HMCN2: variants seen among roughly 807,000 people sequenced by gnomAD.
HMCN2 encodes hemicentin 2.
A neutral mutation model predicts 377.5 loss-of-function variants in HMCN2; 325 were observed. That is an observed-to-expected ratio of 0.86 (90% CI 0.79 to 0.94). HMCN2 has a LOEUF of 0.94. Ranked by LOEUF, HMCN2 falls within the 40% of genes least tolerant of loss-of-function variation. The probability of loss-of-function intolerance (pLI) is 0.00; values close to 1 mark genes in which losing one functional copy is unlikely to be tolerated. For missense variants in HMCN2, 4,543 were observed against 4,725.3 expected (o/e 0.96, Z 1.13); for synonymous variants, 2,007 against 2,046.8 (o/e 0.98, Z 0.53).
chr9:130,275,839 T>G (rs1554922916), intron 1 of HMCN2, among the ~76,000 whole-genome samples: 8 of 139,622 alleles, frequency 5.7e-5, no homozygotes, highest in Non-Finnish European at 1.2e-4. Context: ...AACCTGGCCC[T>G]GGGCACGTCC....
rs1462492243 is a variant in HMCN2, at chr9:130,363,171, C to T, written c.6232+181C>T. On this transcript the variant is annotated intron_variant, in intron 40 of 97. Transcript: ENST00000683500. ...AGACCTGCCCTAGAGTATGAGCTCC[C>T]GCAATGGGTGGGAGGGTGGGCAGGT... Among the ~76,000 whole-genome samples, 7 of 135,262 alleles carry T rather than the reference C, an allele frequency of 5.2e-5. No homozygotes were observed. In the South Asian group the frequency reaches 7.9e-4, roughly 15 times the overall value. 88.7% of individuals were successfully genotyped at this position (135,262 alleles called of 152,430 possible). A position where few individuals can be genotyped will look rare whatever the true frequency, so the allele number is the denominator to read the frequency against.
At chr9:130,377,172 G>A (rs1471808044) in intron 52 of HMCN2, among the ~76,000 whole-genome samples, 2 of 151,626 alleles carry the variant, frequency 1.3e-5, no homozygotes, top group African/African-American at 4.9e-5. Flanking sequence ...GGAGTACAGT[G>A]GCACGATCTT....
intron 30 of HMCN2, 114 bp from the exon 31 acceptor site, chr9:130,352,813 C>A: frequency 1.1e-6 from 1 of 870,036 alleles, no homozygotes; most frequent in Non-Finnish European, 1.5e-6. Context: ...CCTGCCCCCG[C>A]AATGGAAGCC....
At chr9:130,340,667 C>T (rs1002983090) in intron 23 of HMCN2, among the ~76,000 whole-genome samples, 86 of 152,108 alleles carry the variant, frequency 5.7e-4, no homozygotes, top group African/African-American at 2.1e-3. Flanking sequence ...TACAGGTGCG[C>T]GCCACCACGC....
chr9:130,425,193 C>T, intron 89 of HMCN2, 63 bp downstream of exon 89: 1 of 1,471,720 alleles, frequency 6.8e-7, no homozygotes, highest in Non-Finnish European at 9.1e-7. Context: ...GTGCCCGGCT[C>T]TCAACCACCC....
chr9:130,404,934 C>A lies in HMCN2; in HGVS notation c.12214C>A (p.Pro4072Thr), dbSNP rs762260552. 5.4e-6 allele frequency: 7 copies of A among 1,288,558 alleles called. No individual in the cohort carries two copies. In the South Asian group the frequency reaches 6.2e-5, roughly 11 times the overall value. 79.8% of individuals were successfully genotyped at this position (1,288,558 alleles called of 1,614,324 possible). ...STTEGSHAFL[P>T]CKARGSPEPN... Reference sequence around the variant, plus strand: ...CACCGAAGGCTCCCACGCCTTCTTGCCTTGCAAGGCGAGGGGCAGTCCTGA... The same window carrying A: ...CACCGAAGGCTCCCACGCCTTCTTGACTTGCAAGGCGAGGGGCAGTCCTGA... The change falls in exon 81 of 98, where the codon CCT becomes ACT. Residue 4072 changes from proline to threonine, a missense_variant. Physicochemically the swap from Pro to Thr is conservative, Grantham distance 38. Coordinates refer to ENST00000683500, the MANE Select transcript of HMCN2 (RefSeq NM_001291815.2).
At chr9:130,344,160 C>T (rs1284526404) in intron 25 of HMCN2, among the ~76,000 whole-genome samples, 4 of 152,202 alleles carry the variant, frequency 2.6e-5, no homozygotes, top group Non-Finnish European at 4.4e-5. Context: ...TCACCCCTCC[C>T]GACCTGCAGC....
rs900085803 is a variant in HMCN2, at chr9:130,433,568, G to A, written c.15115G>A (p.Gly5039Ser). 3.5e-5 allele frequency: 51 copies of A among 1,478,206 alleles called. No individual in the cohort carries two copies. Among genetic ancestry groups the A allele is most frequent in the Non-Finnish European group, 4.4e-5 (49 of 1,119,338 alleles). 91.6% of individuals were successfully genotyped at this position (1,478,206 alleles called of 1,614,324 possible). ...FALRPLRAGL[G>S]AVYTRRALTR... ...GCTGCGTCCGCTGCGCGCGGGCCTT[G>A]GCGCGGTCTACACCCGTCGCGCGCT... Residue 5039 changes from glycine (G) to serine (S), a missense_variant, in exon 98 of 98, where the codon GGC (glycine) becomes AGC (serine). Coordinates refer to ENST00000683500, the MANE Select transcript of HMCN2 (RefSeq NM_001291815.2).
chr9:130,331,197 C>T (rs1390407152), intron 22 of HMCN2, among the ~76,000 whole-genome samples: 17 of 151,740 alleles, frequency 1.1e-4, no homozygotes, highest in Admixed American at 3.3e-4. Context: ...CCAGGGCGCT[C>T]GGCTCCCATC....
intron 43 of HMCN2, 54 bp downstream of exon 43, chr9:130,366,049 A>T (rs1315953695): frequency 1.0e-6 from 1 of 984,912 alleles, no homozygotes; most frequent in Admixed American, 6.1e-5. Flanking sequence ...CAAGGAGGCT[A>T]TGCCCAGTCC....
In HMCN2 at chr9:130,412,563, T is replaced by TTC. The variant is rs1018530282; in HGVS notation, c.12961+1915_12961+1916dup. On this transcript the variant is annotated intron_variant, in intron 85 of 97. Coordinates refer to ENST00000683500, the MANE Select transcript of HMCN2 (RefSeq NM_001291815.2). Reference sequence around the variant, plus strand: ...TTTTCTTTTCTTTTCTTTTCTTTCTTTCTCTTTTTTTTTTTTTGTTTTAAT... The same window carrying TTC: ...TTTTCTTTTCTTTTCTTTTCTTTCTTTCTCTCTTTTTTTTTTTTTGTTTTAAT... Among the ~76,000 whole-genome samples, 21 of 56,978 alleles carry TTC rather than the reference T, an allele frequency of 3.7e-4. 1 individual carries two copies. Among genetic ancestry groups the TTC allele is most frequent in the Non-Finnish European group, 5.2e-4 (13 of 25,206 alleles). The allele number at this position is 56,978 out of a possible 152,430, so 37.4% of individuals were successfully genotyped here.
chr9:130,425,537 C>T (rs1482116930), intron 89 of HMCN2, 150 bp from the exon 90 acceptor site: 3 of 657,658 alleles, frequency 4.6e-6, no homozygotes, highest in African/African-American at 3.6e-5. Flanking sequence ...CCCATCTTCT[C>T]CCAAGCCTCC....
intron 43 of HMCN2, among the ~76,000 whole-genome samples, chr9:130,367,509 C>T (rs1840759505): frequency 6.6e-6 from 1 of 152,154 alleles, no homozygotes. Flanking sequence ...AATCCTCTTC[C>T]TCCAAGGGGT....
chr9:130,429,464 A>C, intron 93 of HMCN2, 93 bp from the exon 94 acceptor site: 1 of 1,474,394 alleles, frequency 6.8e-7, no homozygotes, highest in Middle Eastern at 1.7e-4. Context: ...GGGGACAGGG[A>C]GGAGGCCCAG....
At chr9:130,405,729 A>G (rs1168105683) in intron 81 of HMCN2, among the ~76,000 whole-genome samples, 2 of 152,364 alleles carry the variant, frequency 1.3e-5, no homozygotes, top group East Asian at 3.9e-4. Flanking sequence ...GGCTATTGCG[A>G]TCATGCAGTC....
At chr9:130,330,673 G>A (rs1226936682) in intron 22 of HMCN2, among the ~76,000 whole-genome samples, 2 of 152,100 alleles carry the variant, frequency 1.3e-5, no homozygotes, top group African/African-American at 2.4e-5. Context: ...GTTCTGAGCC[G>A]CCCAGCTGCA....
At chr9:130,382,479 C>A (rs559281183) in intron 55 of HMCN2, among the ~76,000 whole-genome samples, 182 bp downstream of exon 55, 1 of 152,202 alleles carries the variant, frequency 6.6e-6, no homozygotes, top group Non-Finnish European at 1.5e-5. Flanking sequence ...CAGAAGCTTC[C>A]TAGCTGTGTG....
intron 28 of HMCN2, 54 bp from the exon 29 acceptor site, chr9:130,349,483 C>T (rs1038623173): frequency 1.1e-4 from 136 of 1,286,082 alleles, no homozygotes; most frequent in African/African-American, 1.4e-4. Flanking sequence ...CCGTGGTAGG[C>T]GGGGCTTGCA....
At chr9:130,374,012 A>T (rs1026392897) in intron 48 of HMCN2, among the ~76,000 whole-genome samples, 18 of 151,466 alleles carry the variant, frequency 1.2e-4, no homozygotes, top group African/African-American at 4.4e-4. Flanking sequence ...GGGTGGATGG[A>T]TGAATGGAGA....
Sources: allele counts gnomAD v4.1 joint callset (sites outside exome capture counted in the v4.1 genomes callset), GRCh38; gene constraint gnomAD v4.1.1; transcripts MANE v1.5; gene names NCBI Gene and HGNC (gene_info 2026-07-23, HGNC 2026-07-21).